ALK: variants seen among roughly 807,000 people sequenced by gnomAD.
ALK encodes ALK tyrosine kinase receptor.
ALK carries 74 observed loss-of-function variants against 163.1 expected under a neutral mutation model. That is an observed-to-expected ratio of 0.45 (90% CI 0.38 to 0.55). The LOEUF (loss-of-function observed/expected upper bound fraction) is 0.55. Ranked by LOEUF, ALK falls within the 20% of genes least tolerant of loss-of-function variation. The pLI, the probability that ALK is intolerant of heterozygous loss-of-function variation, is 0.00. For synonymous variants in ALK, 960 were observed against 843.2 expected (o/e 1.14, Z -2.40); for missense variants, 2,063 against 2,105.3 (o/e 0.98, Z 0.39).
At chr2:29,284,749 C>A (rs1665806900) in intron 9 of ALK, among the ~76,000 whole-genome samples, 1 of 152,162 alleles carries the variant, frequency 6.6e-6, no homozygotes, top group Non-Finnish European at 1.5e-5. Context: ...CTCCAATGAT[C>A]TGGGATATTT....
In ALK at chr2:29,547,661, C is replaced by T. The variant is rs187549076; in HGVS notation, c.953-15545G>A. On this transcript the variant is annotated intron_variant, in intron 3 of 28. Transcript: ENST00000389048. ...GAAAGGCCAGAGGGGAACTGAACTG[C>T]GGTGGATTTCATAGGCTGGCTCACT... is the stretch of plus-strand genomic sequence containing the variant. Among the ~76,000 whole-genome samples, 574 of 152,256 alleles carry T rather than the reference C, an allele frequency of 3.8e-3. 2 individuals carry two copies. Among genetic ancestry groups the T allele is most frequent in the South Asian group, 0.012 (56 of 4,824 alleles).
chr2:29,638,057 G>A (rs945198714), intron 3 of ALK, among the ~76,000 whole-genome samples: 2 of 152,160 alleles, frequency 1.3e-5, no homozygotes, highest in Non-Finnish European at 2.9e-5. Context: ...TTAGAGGGCT[G>A]TGGAATATGT....
intron 1 of ALK, 37 bp downstream of exon 1, chr2:29,919,956 C>T (rs1202020281): frequency 6.2e-7 from 1 of 1,607,970 alleles, no homozygotes; most frequent in Admixed American, 1.7e-5. Context: ...TGACTAAAAA[C>T]ACTAAATCCC....
At chr2:29,732,826 T>C (rs1169372206) in intron 1 of ALK, among the ~76,000 whole-genome samples, 1 of 152,024 alleles carries the variant, frequency 6.6e-6, no homozygotes. Flanking sequence ...TGCTGGCACC[T>C]TGATCTTGCA....
intron 1 of ALK, among the ~76,000 whole-genome samples, chr2:29,762,457 TTGCAGTCTCCCCG>T (rs1293573678): frequency 1.3e-5 from 2 of 152,222 alleles, no homozygotes; most frequent in Non-Finnish European, 1.5e-5. Flanking sequence ...GGGTTGCGTT[TTGCAGTCTCCCCG>T]TGAGTATATA....
At chr2:29,734,134 C>A (rs1679823590) in intron 1 of ALK, among the ~76,000 whole-genome samples, 1 of 152,160 alleles carries the variant, frequency 6.6e-6, no homozygotes, top group African/African-American at 2.4e-5. Context: ...AGAGATCCAA[C>A]ACTGGGCCCA....
intron 3 of ALK, among the ~76,000 whole-genome samples, chr2:29,659,674 C>T (rs1225804109): frequency 6.6e-6 from 1 of 152,126 alleles, no homozygotes; most frequent in African/African-American, 2.4e-5. Flanking sequence ...CCCATCTTTA[C>T]ATTTGCAACA....
At chr2:29,521,938 G>A (rs75507933) in intron 4 of ALK, among the ~76,000 whole-genome samples, 2,099 of 152,326 alleles carry the variant, frequency 0.014, 61 homozygotes, top group African/African-American at 0.048. Context: ...ATAAGTCTCA[G>A]GACTGCCTGC....
chr2:29,914,770 T>G (rs1476697097), intron 1 of ALK, among the ~76,000 whole-genome samples: 1 of 152,252 alleles, frequency 6.6e-6, no homozygotes, highest in Non-Finnish European at 1.5e-5. Context: ...CTGGAAATTT[T>G]TTCACCTATT....
chr2:29,367,066 G>T (rs940107572), intron 5 of ALK, among the ~76,000 whole-genome samples: 2 of 151,990 alleles, frequency 1.3e-5, no homozygotes, highest in Non-Finnish European at 2.9e-5. Context: ...GAAAATACAA[G>T]CCGAGATATA....
chr2:29,545,416 T>A (rs1187001021), intron 3 of ALK, among the ~76,000 whole-genome samples: 53 of 152,238 alleles, frequency 3.5e-4, no homozygotes, highest in Admixed American at 3.5e-3. Flanking sequence ...AGCAGAATTT[T>A]GACATTTAGA....
At chr2:29,709,062 G>A (rs190084318) in intron 2 of ALK, among the ~76,000 whole-genome samples, 11 of 152,186 alleles carry the variant, frequency 7.2e-5, no homozygotes, top group Admixed American at 1.3e-4. Flanking sequence ...TTGGACACAC[G>A]TCTTTCTAGG....
intron 6 of ALK, among the ~76,000 whole-genome samples, chr2:29,324,733 G>A (rs1667198878): frequency 1.3e-5 from 2 of 152,154 alleles, no homozygotes; most frequent in Admixed American, 6.5e-5. Context: ...AGAGAGTCAC[G>A]AAGACCCCCT....
At chr2:29,713,121 T>G (rs1348365131) in intron 2 of ALK, among the ~76,000 whole-genome samples, 2 of 152,200 alleles carry the variant, frequency 1.3e-5, no homozygotes, top group African/African-American at 4.8e-5. Context: ...TTGGTGTTCC[T>G]TGGCTTGTAG....
intron 9 of ALK, among the ~76,000 whole-genome samples, chr2:29,276,911 T>C (rs921734492): frequency 2.6e-5 from 4 of 152,160 alleles, no homozygotes; most frequent in African/African-American, 7.2e-5. Context: ...ATTGTGGTGC[T>C]CTCTCCACAG....
At chr2:29,704,409 G>A (rs1678836630) in intron 2 of ALK, among the ~76,000 whole-genome samples, 2 of 152,142 alleles carry the variant, frequency 1.3e-5, no homozygotes, top group South Asian at 2.1e-4. Flanking sequence ...GAATGATGGG[G>A]ATCATCAAAG....
intron 3 of ALK, among the ~76,000 whole-genome samples, chr2:29,546,511 T>C (rs542901363): frequency 3.7e-4 from 57 of 152,156 alleles, no homozygotes; most frequent in African/African-American, 1.2e-3. Context: ...GAAGGAGAGA[T>C]AAAAGCACCT....
intron 5 of ALK, among the ~76,000 whole-genome samples, chr2:29,343,404 G>GATTTT (rs1667858328): frequency 6.6e-6 from 1 of 150,606 alleles, no homozygotes; most frequent in South Asian, 2.1e-4. Context: ...ATTTAGAGAT[G>GATTTT]GGGTCTCCCT....
intron 4 of ALK, among the ~76,000 whole-genome samples, chr2:29,415,716 A>C (rs1399296790): frequency 1.3e-5 from 2 of 152,236 alleles, no homozygotes; most frequent in African/African-American, 4.8e-5. Flanking sequence ...TTAGCATTTG[A>C]ATCAGTAGAC....
Sources: allele counts gnomAD v4.1 joint callset (sites outside exome capture counted in the v4.1 genomes callset), GRCh38; gene constraint gnomAD v4.1.1; transcripts MANE v1.5; gene names NCBI Gene and HGNC (gene_info 2026-07-23, HGNC 2026-07-21).